Variants in GLG1 observed in about 807,000 individuals in gnomAD.
GLG1 encodes golgi glycoprotein 1, also known as Golgi apparatus protein 1.
A neutral mutation model predicts 160.5 loss-of-function variants in GLG1; 38 were observed. The ratio of observed to expected loss-of-function variants is 0.24; its 90% CI spans 0.18 to 0.31. The LOEUF is 0.31. GLG1 is among the 10% of genes least tolerant of loss of function. The probability of loss-of-function intolerance (pLI) is 1.00; values close to 1 mark genes in which losing one functional copy is unlikely to be tolerated. For synonymous variants in GLG1, 644 were observed against 543.4 expected, an observed-to-expected ratio of 1.19 and a Z score of -2.57; for missense variants, 1,373 against 1,505.2, an observed-to-expected ratio of 0.91 and a Z score of 1.45.
chr16:74,595,165 G>T (rs1470092392), intron 1 of GLG1, among the ~76,000 whole-genome samples: 1 of 150,854 alleles, frequency 6.6e-6, no homozygotes, highest in East Asian at 2.0e-4. Context: ...TCTAGCCTGG[G>T]CAACAGAGCA....
intron 1 of GLG1, among the ~76,000 whole-genome samples, chr16:74,593,981 A>G (rs1770750610): frequency 6.6e-6 from 1 of 151,848 alleles, no homozygotes; most frequent in Non-Finnish European, 1.5e-5. Context: ...ATCTTGGCTC[A>G]CTGCAACCTC....
intron 8 of GLG1, among the ~76,000 whole-genome samples, chr16:74,487,876 G>C (rs1318195595): frequency 6.6e-6 from 1 of 152,122 alleles, no homozygotes; most frequent in Non-Finnish European, 1.5e-5. Context: ...TGACAGTAGC[G>C]TGGGAAATAA....
intron 1 of GLG1, chr16:74,552,337 T>G (rs2018223295): frequency 1.7e-6 from 1 of 592,930 alleles, no homozygotes; most frequent in African/African-American, 1.9e-5. Flanking sequence ...ATGTCCACCT[T>G]CCTAAGTACC....
chr16:74,583,729 C>T (rs1957987027), intron 1 of GLG1, among the ~76,000 whole-genome samples: 1 of 152,070 alleles, frequency 6.6e-6, no homozygotes, highest in Non-Finnish European at 1.5e-5. Flanking sequence ...TCCTTCAGCT[C>T]AATCATCATC....
At chr16:74,463,110 C>A in intron 20 of GLG1, 1 of 522,210 alleles carries the variant, frequency 1.9e-6, no homozygotes, top group East Asian at 3.2e-5. Flanking sequence ...CCAAGGACTG[C>A]CGGCCTGATT....
chr16:74,568,418 CTT>C (rs57385691), intron 1 of GLG1, among the ~76,000 whole-genome samples: 27,299 of 130,502 alleles, frequency 0.21, 3,321 homozygotes, highest in African/African-American at 0.41. Flanking sequence ...AATTTTACTG[CTT>C]TTTTTTTTTT....
At chr16:74,529,779 G>A (rs1373962465) in intron 2 of GLG1, among the ~76,000 whole-genome samples, 5 of 130,664 alleles carry the variant, frequency 3.8e-5, no homozygotes, top group South Asian at 2.6e-4. Flanking sequence ...CAGCAGTATC[G>A]TATCCTTCCT....
In GLG1 at chr16:74,491,179, A is replaced by G. The variant is rs2015969192; in HGVS notation, c.1271T>C (p.Leu424Pro). The G allele has an allele frequency of 1.2e-6, 2 of 1,614,162 alleles. No individual in the cohort carries two copies. Among genetic ancestry groups the G allele is most frequent in the Non-Finnish European group, 1.7e-6 (2 of 1,179,996 alleles). Residue 424 changes from leucine (L) to proline (P), a missense_variant, in exon 8 of 26, where the codon CTG (leucine) becomes CCG (proline). Transcript: ENST00000422840. ...TTCCATCAACATGCGTCGGTAATCC[A>G]GCATCTCCCCCTGGCACTCACTGCT... is the stretch of plus-strand genomic sequence containing the variant. ...QVSSECQGEM[L>P]DYRRMLMEDF...
chr16:74,500,730 T>C (rs1005370391), intron 4 of GLG1, among the ~76,000 whole-genome samples: 2 of 152,172 alleles, frequency 1.3e-5, no homozygotes, highest in Non-Finnish European at 2.9e-5. Context: ...ACTAATACTG[T>C]GGCACATGTC....
At chr16:74,543,545 A>G (rs545230162) in intron 1 of GLG1, among the ~76,000 whole-genome samples, 44 of 152,290 alleles carry the variant, frequency 2.9e-4, no homozygotes, top group African/African-American at 9.9e-4. Context: ...TAAAAATCTG[A>G]TAAAATCCTC....
chr16:74,521,793 G>C (rs2017173006), intron 2 of GLG1, among the ~76,000 whole-genome samples: 1 of 152,168 alleles, frequency 6.6e-6, no homozygotes, highest in Non-Finnish European at 1.5e-5. Context: ...GCAGTTCATG[G>C]AGCCATCTGG....
At chr16:74,466,889 G>C (rs2015019127) in intron 18 of GLG1, among the ~76,000 whole-genome samples, 1 of 152,178 alleles carries the variant, frequency 6.6e-6, no homozygotes, top group Admixed American at 6.5e-5. Flanking sequence ...ATGGAAGACG[G>C]ACTCAGATGC....
chr16:74,519,143 T>C (rs2017076712), intron 2 of GLG1, among the ~76,000 whole-genome samples: 1 of 152,196 alleles, frequency 6.6e-6, no homozygotes. Flanking sequence ...CACTGTGGAA[T>C]ACTATGCAGC....
At chr16:74,509,529 C>T (rs1433124217) in intron 2 of GLG1, among the ~76,000 whole-genome samples, 2 of 151,830 alleles carry the variant, frequency 1.3e-5, no homozygotes, top group Non-Finnish European at 2.9e-5. Flanking sequence ...AGTTTCTAGG[C>T]ATATTTATCT....
chr16:74,461,328 G>A (rs1027713985), intron 22 of GLG1, among the ~76,000 whole-genome samples: 5 of 150,172 alleles, frequency 3.3e-5, no homozygotes, highest in African/African-American at 7.3e-5. Flanking sequence ...CCACCGGGCC[G>A]GGCTAATGTT....
At chr16:74,489,246 A>G (rs1473098768) in intron 8 of GLG1, among the ~76,000 whole-genome samples, 3 of 151,972 alleles carry the variant, frequency 2.0e-5, no homozygotes, top group Admixed American at 2.0e-4. Flanking sequence ...TGAGGCGGGA[A>G]GATCACCTGA....
At chr16:74,504,576 C>T (rs990747436) in intron 3 of GLG1, among the ~76,000 whole-genome samples, 8 of 152,306 alleles carry the variant, frequency 5.3e-5, no homozygotes, top group South Asian at 4.1e-4. Flanking sequence ...GCGTGAGCCA[C>T]CTCACCTGGC....
At chr16:74,587,926 G>A (rs1206729921) in intron 1 of GLG1, among the ~76,000 whole-genome samples, 2 of 152,044 alleles carry the variant, frequency 1.3e-5, no homozygotes, top group African/African-American at 4.8e-5. Context: ...ATGGATAATC[G>A]AATATATAAA....
intron 22 of GLG1, among the ~76,000 whole-genome samples, chr16:74,460,021 G>C (rs1324097960): frequency 1.6e-5 from 2 of 126,596 alleles, no homozygotes; most frequent in Non-Finnish European, 3.2e-5. Flanking sequence ...ATGCCTGGCT[G>C]ATTTTTTTTT....
Sources: allele counts gnomAD v4.1 joint callset (sites outside exome capture counted in the v4.1 genomes callset), GRCh38; gene constraint gnomAD v4.1.1; transcripts MANE v1.5; gene names NCBI Gene and HGNC (gene_info 2026-07-23, HGNC 2026-07-21).